BCAS3: variants seen among roughly 807,000 people sequenced by gnomAD.
BCAS3 encodes BCAS4/BCAS3 fusion.
Under a neutral mutation model 116.1 loss-of-function variants are expected in BCAS3, and 53 were observed. That is an observed-to-expected ratio of 0.46 (90% confidence interval 0.37 to 0.57). The LOEUF is 0.57. Among genes scored for constraint, BCAS3 ranks in the 20% least tolerant of loss-of-function variants. BCAS3 has a pLI of 0.00. For synonymous variants in BCAS3, 391 were observed against 408.2 expected (o/e 0.96, Z 0.51); for missense variants, 917 against 1,165.4 (o/e 0.79, Z 3.10).
At chr17:61,312,510 C>T (rs991937939) in intron 22 of BCAS3, among the ~76,000 whole-genome samples, 4 of 152,240 alleles carry the variant, frequency 2.6e-5, no homozygotes, top group South Asian at 4.1e-4. Context: ...ACAGGCTTTT[C>T]TTTAACAGCA....
intron 11 of BCAS3, among the ~76,000 whole-genome samples, chr17:60,910,012 C>T (rs1460107557): frequency 6.6e-6 from 1 of 152,082 alleles, no homozygotes; most frequent in East Asian, 1.9e-4. Context: ...TCTTGGTATA[C>T]AGTATTATAT....
In BCAS3 at chr17:60,944,634, A is replaced by G. The variant is rs552907232; in HGVS notation, c.1088-2585A>G. On this transcript the variant is annotated intron_variant, in intron 13 of 23. Coordinates refer to ENST00000407086, the MANE Select transcript of BCAS3 (RefSeq NM_017679.5). Reference sequence around the variant, plus strand: ...CAGATAAGAAAATATTCAAGAAAATATTAGAAAATTGAATCTAGCTGCTTA... The same window carrying G: ...CAGATAAGAAAATATTCAAGAAAATGTTAGAAAATTGAATCTAGCTGCTTA... Among the ~76,000 whole-genome samples the G allele has an allele frequency of 7.2e-5, 11 of 152,266 alleles. 1 individual carries two copies. In the South Asian group the frequency reaches 2.3e-3, roughly 32 times the overall value.
intron 5 of BCAS3, among the ~76,000 whole-genome samples, chr17:60,719,765 A>G (rs1010957069): frequency 6.6e-6 from 1 of 152,230 alleles, no homozygotes; most frequent in African/African-American, 2.4e-5. Flanking sequence ...AAAGGTTATA[A>G]GGCTAGTTAG....
Position 61,248,245 on chromosome 17 carries a change from G to A in BCAS3, c.2426-120082G>A, listed in dbSNP as rs753192809. On this transcript the variant is annotated intron_variant, in intron 22 of 23. Coordinates refer to ENST00000407086, the MANE Select transcript of BCAS3 (RefSeq NM_017679.5). The surrounding 1 kb of genome is among the most constrained non-coding windows in gnomAD (Gnocchi z 4.3). ...CCCTATTTGAGTCCTTCTGAAGACT[G>A]GAGCACATAAAGGCCTGATTTTTTC... Among the ~76,000 whole-genome samples the A allele has an allele frequency of 7.9e-5, 12 of 152,124 alleles. No individual in the cohort carries two copies. The highest frequency in any genetic ancestry group is 1.6e-4 in the Non-Finnish European group (11 of 68,034).
intron 12 of BCAS3, among the ~76,000 whole-genome samples, chr17:60,911,115 T>TTTTC (rs1567849196): frequency 1.3e-5 from 1 of 76,756 alleles, no homozygotes. Context: ...TTTTTTCTTT[T>TTTTC]TTTCTTTCTT....
chr17:61,292,346 G>A (rs1355540837), intron 22 of BCAS3, among the ~76,000 whole-genome samples: 1 of 152,040 alleles, frequency 6.6e-6, no homozygotes, highest in Non-Finnish European at 1.5e-5. Flanking sequence ...TAGTCCCCTA[G>A]TTTGATTTGA....
chr17:61,327,671 CACTAAT>C lies in BCAS3; in HGVS notation c.2426-40655_2426-40650del, dbSNP rs1248367681. ...ATTACAGGCATGTACCACCAAACCCCACTAATTTTTGTATTTTTGGTAGAGATGGGG... is the reference window on the plus strand; with the variant it reads ...ATTACAGGCATGTACCACCAAACCCCTTTTGTATTTTTGGTAGAGATGGGG... On this transcript the variant is annotated intron_variant, in intron 22 of 23. Transcript: ENST00000407086. The surrounding 1 kb of genome is among the most constrained non-coding windows in gnomAD (Gnocchi z 5.9). 6.6e-6 allele frequency among the ~76,000 whole-genome samples: 1 copy of C among 152,062 alleles called. No individual in the cohort carries two copies. The highest frequency in any genetic ancestry group is 1.5e-5 in the Non-Finnish European group (1 of 68,018).
At chr17:61,163,547 A>G (rs1438684550) in intron 22 of BCAS3, among the ~76,000 whole-genome samples, 1 of 152,194 alleles carries the variant, frequency 6.6e-6, no homozygotes, top group Non-Finnish European at 1.5e-5. Context: ...GATACTTTAG[A>G]TCTGAAGTAT....
At chr17:61,287,128 G>T (rs1286797823) in intron 22 of BCAS3, among the ~76,000 whole-genome samples, 1 of 151,536 alleles carries the variant, frequency 6.6e-6, no homozygotes, top group East Asian at 2.0e-4. Flanking sequence ...GGCACCTGTA[G>T]TCTTAGCTAC....
chr17:61,327,045 C>T lies in BCAS3; in HGVS notation c.2426-41282C>T, dbSNP rs986431610. Among the ~76,000 whole-genome samples the T allele has an allele frequency of 1.2e-4, 18 of 152,148 alleles. No homozygotes were observed. The highest frequency in any genetic ancestry group is 6.3e-3 in the Middle Eastern group (2 of 316). On this transcript the variant is annotated intron_variant, in intron 22 of 23. Coordinates refer to ENST00000407086, the MANE Select transcript of BCAS3 (RefSeq NM_017679.5). This position sits in a 1 kb window ranked among gnomAD's most constrained non-coding sequence, Gnocchi z 5.9. ...AACAGGCCGGGCGCGGTGGCTCACA[C>T]CTGTAATCCCAGCACTTTGGGAGGC...
intron 19 of BCAS3, chr17:61,070,307 C>T (rs772761218): frequency 2.3e-6 from 3 of 1,309,448 alleles, no homozygotes; most frequent in Non-Finnish European, 3.2e-6. Flanking sequence ...GGTTACGATG[C>T]TTTGGATGTT....
intron 22 of BCAS3, among the ~76,000 whole-genome samples, chr17:61,121,973 C>T (rs1280245851): frequency 6.6e-6 from 1 of 152,036 alleles, no homozygotes; most frequent in Non-Finnish European, 1.5e-5. Context: ...CGTGATCCAC[C>T]CGCCTCATCC....
At chr17:60,818,397 G>C (rs2049628483) in intron 7 of BCAS3, among the ~76,000 whole-genome samples, 1 of 152,254 alleles carries the variant, frequency 6.6e-6, no homozygotes, top group Admixed American at 6.5e-5. Context: ...AAGTGGTACT[G>C]CAGTGACTTT....
intron 22 of BCAS3, among the ~76,000 whole-genome samples, chr17:61,336,186 A>C (rs891626481): frequency 3.9e-5 from 6 of 152,240 alleles, no homozygotes; most frequent in Non-Finnish European, 5.9e-5. Context: ...CCAGGACCGG[A>C]TTGATGATCT....
chr17:61,005,187 C>T (rs1167063028), intron 15 of BCAS3, among the ~76,000 whole-genome samples: 3 of 151,908 alleles, frequency 2.0e-5, no homozygotes, highest in Non-Finnish European at 4.4e-5. Flanking sequence ...GTTTTACGTA[C>T]GTAGGTAAAG....
chr17:61,275,660 T>C (rs1455694473), intron 22 of BCAS3, among the ~76,000 whole-genome samples: 9 of 152,158 alleles, frequency 5.9e-5, no homozygotes, highest in Non-Finnish European at 1.0e-4. Flanking sequence ...CACTCTTCAC[T>C]ACAGAGGTGC....
intron 22 of BCAS3, among the ~76,000 whole-genome samples, chr17:61,159,687 C>A (rs549224485): frequency 6.6e-6 from 1 of 152,294 alleles, no homozygotes; most frequent in South Asian, 2.1e-4. Flanking sequence ...GACCCTTTGT[C>A]TTTTCACTTG....
At position 61,082,403 on chromosome 17, in the gene BCAS3, A is replaced by G. The variant is rs1392152701; in HGVS notation, c.2328-2064A>G. ...AAGAAAATTCAAACATGTATAAAAT[A>G]AAAAGAAAAATAGCATAAACCCCCA... is the stretch of plus-strand genomic sequence containing the variant. On this transcript the variant is annotated intron_variant, in intron 21 of 23. Coordinates refer to ENST00000407086, the MANE Select transcript of BCAS3 (RefSeq NM_017679.5). This position sits in a 1 kb window ranked among gnomAD's most constrained non-coding sequence, Gnocchi z 5.1. Among the ~76,000 whole-genome samples the G allele has an allele frequency of 6.6e-6, 1 of 152,170 alleles. No individual in the cohort carries two copies. The highest frequency in any genetic ancestry group is 2.4e-5 in the African/African-American group (1 of 41,438).
At chr17:60,699,880 AAG>A (rs1211813408) in intron 4 of BCAS3, among the ~76,000 whole-genome samples, 1 of 151,404 alleles carries the variant, frequency 6.6e-6, no homozygotes, top group Non-Finnish European at 1.5e-5. Context: ...AAAAAAAAAA[AAG>A]AGCAGTTTTG....
Sources: gnomAD v4.1 joint callset for allele counts (sites outside exome capture counted in the v4.1 genomes callset) on GRCh38, gnomAD v4.1.1 for gene constraint, Gnocchi (gnomAD v3.1) non-coding constraint, MANE v1.5 for transcripts, NCBI Gene and HGNC (gene_info 2026-07-23, HGNC 2026-07-21) for gene names.